CARMIL1: variants seen among roughly 807,000 people sequenced by gnomAD.
The protein encoded by CARMIL1 is capping protein regulator and myosin 1 linker 1.
In CARMIL1, 90 loss-of-function variants were observed where a neutral mutation model predicts 177.1. The observed-to-expected ratio is 0.51, with a 90% CI of 0.43 to 0.61. The LOEUF is 0.61. Ranked by LOEUF, CARMIL1 falls within the 20% of genes least tolerant of loss-of-function variation. CARMIL1 has a pLI of 0.00. For synonymous variants in CARMIL1, 577 were observed against 606.2 expected, an observed-to-expected ratio of 0.95 and a Z score of 0.71; for missense variants, 1,380 against 1,667.0, an observed-to-expected ratio of 0.83 and a Z score of 3.00.
intron 3 of CARMIL1, among the ~76,000 whole-genome samples, chr6:25,426,263 C>T (rs1040539430): frequency 1.3e-5 from 2 of 152,074 alleles, no homozygotes; most frequent in Admixed American, 1.3e-4. Flanking sequence ...ATGCAGCTTC[C>T]TTTCTTTTCT....
At chr6:25,588,360 A>G (rs1813971922) in intron 31 of CARMIL1, among the ~76,000 whole-genome samples, 1 of 151,848 alleles carries the variant, frequency 6.6e-6, no homozygotes, top group Non-Finnish European at 1.5e-5. Context: ...TGGCCAGGGG[A>G]CACTACAGTT....
intron 16 of CARMIL1, among the ~76,000 whole-genome samples, chr6:25,498,609 G>C (rs1803975733): frequency 6.6e-6 from 1 of 152,118 alleles, no homozygotes; most frequent in Admixed American, 6.5e-5. Flanking sequence ...TGAAATATGT[G>C]TCTAAGTCCT....
chr6:25,454,679 A>G (rs1200520121), intron 8 of CARMIL1, among the ~76,000 whole-genome samples: 1 of 152,202 alleles, frequency 6.6e-6, no homozygotes, highest in African/African-American at 2.4e-5. Flanking sequence ...TTACTATTAA[A>G]ATTAGAGCCA....
chr6:25,524,776 A>G (rs150646006), intron 23 of CARMIL1, among the ~76,000 whole-genome samples: 1 of 152,122 alleles, frequency 6.6e-6, no homozygotes, highest in Non-Finnish European at 1.5e-5. Flanking sequence ...AGGAGATAAA[A>G]GCTCTTAAGA....
chr6:25,534,091 A>T (rs1328999779), intron 24 of CARMIL1, among the ~76,000 whole-genome samples: 1 of 151,134 alleles, frequency 6.6e-6, no homozygotes, highest in Non-Finnish European at 1.5e-5. Context: ...TCTCTTGCTA[A>T]GGTCTTTTTA....
chr6:25,373,866 G>GC (rs1221144199), intron 2 of CARMIL1, among the ~76,000 whole-genome samples: 2 of 152,300 alleles, frequency 1.3e-5, no homozygotes, highest in Admixed American at 1.3e-4. Context: ...ACAGGCCTGA[G>GC]CCACTGTGCC....
chr6:25,494,505 G>A (rs1376555456), intron 15 of CARMIL1, among the ~76,000 whole-genome samples: 1 of 152,100 alleles, frequency 6.6e-6, no homozygotes, highest in African/African-American at 2.4e-5. Context: ...AATAGCAAGG[G>A]GATGTATTCA....
intron 26 of CARMIL1, 23 bp downstream of exon 26, chr6:25,540,101 G>A: frequency 2.6e-6 from 4 of 1,566,048 alleles, no homozygotes; most frequent in Non-Finnish European, 3.4e-6. Flanking sequence ...TGTTATTTGG[G>A]AAATGAAATT....
intron 2 of CARMIL1, among the ~76,000 whole-genome samples, chr6:25,410,731 G>A (rs1794831472): frequency 6.6e-6 from 1 of 152,162 alleles, no homozygotes; most frequent in African/African-American, 2.4e-5. Context: ...CCCATCTTTA[G>A]AGTTGATTTG....
intron 2 of CARMIL1, among the ~76,000 whole-genome samples, chr6:25,373,695 G>A (rs1790675068): frequency 6.6e-6 from 1 of 151,350 alleles, no homozygotes; most frequent in Non-Finnish European, 1.5e-5. Context: ...CGATTCTCCT[G>A]CCTCAGCCTT....
intron 6 of CARMIL1, 92 bp downstream of exon 6, chr6:25,450,087 G>A: frequency 9.3e-7 from 1 of 1,080,074 alleles, no homozygotes; most frequent in Non-Finnish European, 1.3e-6. Context: ...CTACTGTAAA[G>A]GTGCAATTAG....
chr6:25,545,181 G>A (rs1260245493), intron 26 of CARMIL1, among the ~76,000 whole-genome samples: 1 of 152,142 alleles, frequency 6.6e-6, no homozygotes, highest in Non-Finnish European at 1.5e-5. Flanking sequence ...AGAAGTTACA[G>A]TGCATTTCTA....
intron 2 of CARMIL1, among the ~76,000 whole-genome samples, chr6:25,391,298 G>A (rs985179332): frequency 6.6e-6 from 1 of 152,104 alleles, no homozygotes; most frequent in Non-Finnish European, 1.5e-5. Flanking sequence ...TCCAGGGAAC[G>A]TTGATAATTA....
At chr6:25,344,513 G>A (rs908452354) in intron 2 of CARMIL1, among the ~76,000 whole-genome samples, 2 of 152,106 alleles carry the variant, frequency 1.3e-5, no homozygotes, top group Non-Finnish European at 2.9e-5. Context: ...GAATACCACA[G>A]CACCATATTG....
chr6:25,296,018 G>C (rs1052358199), intron 2 of CARMIL1, among the ~76,000 whole-genome samples: 1 of 152,148 alleles, frequency 6.6e-6, no homozygotes, highest in African/African-American at 2.4e-5. Context: ...TAATTAACAA[G>C]AACCATAAGC....
intron 2 of CARMIL1, among the ~76,000 whole-genome samples, chr6:25,324,669 C>T (rs1048752829): frequency 1.3e-5 from 2 of 152,178 alleles, no homozygotes; most frequent in South Asian, 4.2e-4. Context: ...AAGCAAATCC[C>T]TAAGCTTTGG....
At chr6:25,597,505 C>T (rs1391076241) in intron 32 of CARMIL1, among the ~76,000 whole-genome samples, 2 of 152,162 alleles carry the variant, frequency 1.3e-5, no homozygotes, top group Non-Finnish European at 2.9e-5. Flanking sequence ...TTGTTTTCTG[C>T]ATTCCTTTCA....
intron 2 of CARMIL1, among the ~76,000 whole-genome samples, chr6:25,294,805 C>A (rs1024482878): frequency 4.6e-5 from 7 of 152,302 alleles, no homozygotes; most frequent in East Asian, 1.9e-4. Flanking sequence ...CCTACTTTGT[C>A]CATGAACCTT....
intron 2 of CARMIL1, among the ~76,000 whole-genome samples, chr6:25,304,645 G>A (rs1402132208): frequency 2.6e-5 from 4 of 152,308 alleles, no homozygotes; most frequent in Admixed American, 6.5e-5. Context: ...CCTGCTGTGC[G>A]GTCTGGTTCC....
Sources: gnomAD v4.1 joint callset for allele counts (sites outside exome capture counted in the v4.1 genomes callset) on GRCh38, gnomAD v4.1.1 for gene constraint, MANE v1.5 for transcripts, NCBI Gene and HGNC (gene_info 2026-07-23, HGNC 2026-07-21) for gene names.